The following SMARCA4 variants were observed in gnomAD, a reference collection of about 807,000 sequenced individuals.
SMARCA4 encodes SWI/SNF related BAF chromatin remodeling complex subunit ATPase 4, also known as SWI/SNF-related matrix-associated actin-dependent regulator of chromatin subfamily A member 4.
SMARCA4 carries 31 observed loss-of-function variants against 193.9 expected under a neutral mutation model. That is an observed-to-expected ratio of 0.16 (90% confidence interval 0.12 to 0.22). The LOEUF (loss-of-function observed/expected upper bound fraction) is 0.22. Ranked by LOEUF, SMARCA4 falls within the 10% of genes least tolerant of loss-of-function variation. SMARCA4 has a pLI of 1.00. For missense variants in SMARCA4, 1,148 were observed against 2,296.0 expected, an observed-to-expected ratio of 0.50 and a Z score of 10.22; for synonymous variants, 942 against 933.1, an observed-to-expected ratio of 1.01 and a Z score of -0.17.
At chr19:11,014,821 T>A (rs73500663) in intron 16 of SMARCA4, among the ~76,000 whole-genome samples, 79 of 152,282 alleles carry the variant, frequency 5.2e-4, no homozygotes, top group Middle Eastern at 6.8e-3. Context: ...ATTTTTATTT[T>A]TTTTTATTTT....
rs1408471054 is a variant in SMARCA4, at chr19:11,053,082, G to A, written c.4425-5173G>A. ...GTTTCCAAACTTGGGTTCTTGGTGG[G>A]GAGTGAGATCAGGGTTTCTTAAAAA... On this transcript the variant is annotated intron_variant, in intron 30 of 34. Coordinates refer to ENST00000344626, the MANE Select transcript of SMARCA4 (RefSeq NM_003072.5). Among the ~76,000 whole-genome samples, 4 of 152,068 alleles carry A rather than the reference G, an allele frequency of 2.6e-5. No homozygotes were observed. The South Asian group carries it at 6.2e-4, about 24-fold the overall frequency.
chr19:10,961,810 A>G (rs2083831067), intron 1 of SMARCA4: 1 of 152,330 alleles, frequency 6.6e-6, no homozygotes, highest in Non-Finnish European at 1.5e-5. Flanking sequence ...GGTCGGCGGC[A>G]AGTAGGGGAG....
chr19:11,010,322 A>G (rs1722564163), intron 14 of SMARCA4, 59 bp from the exon 15 acceptor site: 1 of 1,585,178 alleles, frequency 6.3e-7, no homozygotes, highest in Admixed American at 1.7e-5. Context: ...GTCAGGAGCC[A>G]GCACATTGTC....
At chr19:11,052,630 G>A (rs1236111652) in intron 30 of SMARCA4, among the ~76,000 whole-genome samples, 1 of 152,164 alleles carries the variant, frequency 6.6e-6, no homozygotes, top group Non-Finnish European at 1.5e-5. Context: ...AGGACTTGAG[G>A]CATTTTCTGA....
At chr19:11,006,381 G>C (rs2088203464) in intron 13 of SMARCA4, among the ~76,000 whole-genome samples, 2 of 152,238 alleles carry the variant, frequency 1.3e-5, no homozygotes, top group Admixed American at 1.3e-4. Flanking sequence ...AGTGTTATCA[G>C]ACATATTGTA....
intron 1 of SMARCA4, among the ~76,000 whole-genome samples, chr19:10,966,928 C>T (rs2145449208): frequency 6.6e-6 from 1 of 151,646 alleles, no homozygotes; most frequent in East Asian, 1.9e-4. Flanking sequence ...GGAAGGATAA[C>T]AGCTGCTGGA....
At chr19:11,021,250 A>G (rs1681337136) in intron 18 of SMARCA4, 2 of 326,092 alleles carry the variant, frequency 6.1e-6, no homozygotes, top group Non-Finnish European at 1.2e-5. Flanking sequence ...ATGGCCCTGT[A>G]TGTAGTGGCG....
At position 11,061,918 on chromosome 19, in the gene SMARCA4, A is replaced by C; in HGVS notation, c.*102A>C. ...GCAGCAGATGTAGTTTCAGACTTGG[A>C]GTAAAACTGTATAAACAAAAGAATC... On this transcript the variant is annotated 3_prime_UTR_variant, in exon 35 of 35. Transcript: ENST00000344626. 1 of 1,089,072 alleles carries C rather than the reference A, an allele frequency of 9.2e-7. No individual in the cohort carries two copies. Among genetic ancestry groups the C allele is most frequent in the Non-Finnish European group, 1.4e-6 (1 of 703,532 alleles). The allele number at this position is 1,089,072 out of a possible 1,614,324, so 67.5% of individuals were successfully genotyped here. A position where few individuals can be genotyped will look rare whatever the true frequency, so the allele number is the denominator to read the frequency against.
intron 34 of SMARCA4, among the ~76,000 whole-genome samples, chr19:11,061,275 A>G (rs1208207549): frequency 6.8e-6 from 1 of 146,690 alleles, no homozygotes; most frequent in Non-Finnish European, 1.5e-5. Flanking sequence ...GTCAGGAAGA[A>G]CCAAGATGGT....
At position 11,033,727 on chromosome 19, in the gene SMARCA4, T is replaced by C. The variant is rs543018704; in HGVS notation, c.3775-40T>C. On this transcript the variant is annotated intron_variant, in intron 26 of 34. Coordinates refer to ENST00000344626, the MANE Select transcript of SMARCA4 (RefSeq NM_003072.5). The surrounding 1 kb of genome is among the most constrained non-coding windows in gnomAD (Gnocchi z 9.8). Reference sequence around the variant, plus strand: ...TAAACTGCTGGTGAAAGACGCCGGATTGACAGCCCTGGAGACTGAAGTCCT... The same window carrying C: ...TAAACTGCTGGTGAAAGACGCCGGACTGACAGCCCTGGAGACTGAAGTCCT... The C allele has an allele frequency of 1.3e-6, 1 of 780,312 alleles. No homozygotes were observed. The highest frequency in any genetic ancestry group is 2.4e-5 in the East Asian group (1 of 41,236). The allele number at this position is 780,312 out of a possible 1,614,324, so 48.3% of individuals were successfully genotyped here. A position where few individuals can be genotyped will look rare whatever the true frequency, so the allele number is the denominator to read the frequency against.
At position 10,987,575 on chromosome 19, in the gene SMARCA4, A is replaced by G; in HGVS notation, c.860-91A>G. 6.8e-7 allele frequency: 1 copy of G among 1,475,296 alleles called. No individual in the cohort carries two copies. Among genetic ancestry groups the G allele is most frequent in the Non-Finnish European group, 9.5e-7 (1 of 1,057,278 alleles). 91.4% of individuals were successfully genotyped at this position (1,475,296 alleles called of 1,614,324 possible). A position where few individuals can be genotyped will look rare whatever the true frequency, so the allele number is the denominator to read the frequency against. On this transcript the variant is annotated intron_variant, in intron 5 of 34. Coordinates refer to ENST00000344626, the MANE Select transcript of SMARCA4 (RefSeq NM_003072.5). This position sits in a 1 kb window ranked among gnomAD's most constrained non-coding sequence, Gnocchi z 5.3. ...AGATGGGCGGGGTCTGCCTGTCCCC[A>G]GTGCCTCAAGCAGCTCAGCAGCTTT...
At chr19:10,978,963 AATAG>A (rs904106680) in intron 1 of SMARCA4, among the ~76,000 whole-genome samples, 21 of 151,988 alleles carry the variant, frequency 1.4e-4, no homozygotes, top group South Asian at 2.1e-4. Context: ...TAAATAAATA[AATAG>A]ATAGATAGAT....
At chr19:11,055,755 C>T (rs1239494051) in intron 30 of SMARCA4, among the ~76,000 whole-genome samples, 1 of 151,720 alleles carries the variant, frequency 6.6e-6, no homozygotes, top group Non-Finnish European at 1.5e-5. Context: ...ACAAAACTGG[C>T]TTTTTTTTCC....
In SMARCA4 at chr19:11,027,923, C is replaced by T. The variant is rs2090378511; in HGVS notation, c.3355C>T (p.Arg1119Cys). ...CATCATGGAAGATTACTTTGCGTAT[C>T]GCGGCTTTAAATACCTCAGGCTTGA... ...MTIMEDYFAY[R>C]GFKYLRLDGT... The change falls in exon 24 of 35, where the codon CGC becomes TGC. Residue 1119 changes from arginine (R) to cysteine (C), a missense_variant. By Grantham distance (180) the Arg-to-Cys change is radical. This residue lies in a region of SMARCA4 where 74 missense variants were observed against 392.3 expected (regional missense o/e 0.19). Transcript: ENST00000344626. 6.2e-7 allele frequency: 1 copy of T among 1,614,158 alleles called. No homozygotes were observed. Among genetic ancestry groups the T allele is most frequent in the Non-Finnish European group, 8.5e-7 (1 of 1,180,034 alleles).
Position 11,058,925 on chromosome 19 carries a change from C to A in SMARCA4, c.4635+36C>A. On this transcript the variant is annotated intron_variant, in intron 32 of 34. Transcript: ENST00000344626. This position sits in a 1 kb window ranked among gnomAD's most constrained non-coding sequence, Gnocchi z 5.8. ...CGCTGGGGGTTGGGGATGGGCCACTCCCACAGCTGGGCTTTGACCCAACCC... is the reference window on the plus strand; with the variant it reads ...CGCTGGGGGTTGGGGATGGGCCACTACCACAGCTGGGCTTTGACCCAACCC... 2 of 1,532,964 alleles carry A rather than the reference C, an allele frequency of 1.3e-6. No homozygotes were observed. Among genetic ancestry groups the A allele is most frequent in the South Asian group, 2.2e-5 (2 of 89,448 alleles). 95.0% of individuals were successfully genotyped at this position (1,532,964 alleles called of 1,614,324 possible). A position where few individuals can be genotyped will look rare whatever the true frequency, so the allele number is the denominator to read the frequency against.
rs1057523119 is a variant in SMARCA4 at position 11,058,812 on chromosome 19, C to T, written c.4558C>T (p.Arg1520Cys). The T allele has an allele frequency of 6.2e-7, 1 of 1,614,084 alleles. No individual in the cohort carries two copies. Among genetic ancestry groups the T allele is most frequent in the Non-Finnish European group, 8.5e-7 (1 of 1,180,018 alleles). The change falls in exon 32 of 35, where the codon CGC becomes TGC. Residue 1520 changes from arginine to cysteine, a missense_variant. Physicochemically the swap from Arg to Cys is radical, Grantham distance 180. This residue lies in a region of SMARCA4 where 141 missense variants were observed against 193.0 expected (regional missense o/e 0.73). Transcript: ENST00000344626. This position sits in a 1 kb window ranked among gnomAD's most constrained non-coding sequence, Gnocchi z 5.8. ...GGAGCGCATTCGCAACCACAAGTAC[C>T]GCAGCCTCAACGACCTAGAGAAGGA... ...IKERIRNHKY[R>C]SLNDLEKDVM...
rs148145052 is a variant in SMARCA4 at position 11,053,468 on chromosome 19, AG to A, written c.4425-4786del. 3.7e-3 allele frequency among the ~76,000 whole-genome samples: 555 copies of A among 148,630 alleles called. 28 individuals carry two copies. The highest frequency in any genetic ancestry group is 9.8e-3 in the African/African-American group (399 of 40,684). ...CTCCGTCTCAAAAAAAAAAAAAAAA[AG>A]AAAGAAATTCAAATCTCAGTGTCGA... On this transcript the variant is annotated intron_variant, in intron 30 of 34. Transcript: ENST00000344626.
In SMARCA4 at chr19:10,987,554, G is replaced by A; in HGVS notation, c.860-112G>A. 4 of 1,230,818 alleles carry A rather than the reference G, an allele frequency of 3.2e-6. No individual in the cohort carries two copies. The highest frequency in any genetic ancestry group is 4.7e-6 in the Non-Finnish European group (4 of 844,490). 76.2% of individuals were successfully genotyped at this position (1,230,818 alleles called of 1,614,324 possible). A position where few individuals can be genotyped will look rare whatever the true frequency, so the allele number is the denominator to read the frequency against. ...CACCCCTGGGTGAAAGGTGGGAGATGGGCGGGGTCTGCCTGTCCCCAGTGC... is the reference window on the plus strand; with the variant it reads ...CACCCCTGGGTGAAAGGTGGGAGATAGGCGGGGTCTGCCTGTCCCCAGTGC... On this transcript the variant is annotated intron_variant, in intron 5 of 34. Coordinates refer to ENST00000344626, the MANE Select transcript of SMARCA4 (RefSeq NM_003072.5). The surrounding 1 kb of genome is among the most constrained non-coding windows in gnomAD (Gnocchi z 5.3).
chr19:10,976,753 CAAAAAAA>C (rs79633492), intron 1 of SMARCA4, among the ~76,000 whole-genome samples: 2 of 125,300 alleles, frequency 1.6e-5, no homozygotes, highest in African/African-American at 6.0e-5. Flanking sequence ...GACCCTGTCT[CAAAAAAA>C]AAAAAAAAAT....
Sources: gnomAD v4.1 joint callset for allele counts (sites outside exome capture counted in the v4.1 genomes callset) on GRCh38, gnomAD v4.1.1 for gene constraint, gnomAD v4.1.1 regional missense constraint, Gnocchi (gnomAD v3.1) non-coding constraint, MANE v1.5 for transcripts, NCBI Gene and HGNC (gene_info 2026-07-23, HGNC 2026-07-21) for gene names.